DCLK3: variants seen among roughly 807,000 people sequenced by gnomAD.
DCLK3 encodes the protein doublecortin like kinase 3.
Under a neutral mutation model 46.4 loss-of-function variants are expected in DCLK3, and 30 were observed. The observed-to-expected ratio is 0.65, with a 90% CI of 0.48 to 0.88. The LOEUF (loss-of-function observed/expected upper bound fraction) is 0.88. Ranked by LOEUF, DCLK3 falls within the 40% of genes least tolerant of loss-of-function variation. DCLK3 has a pLI of 0.00. For synonymous variants in DCLK3, 401 were observed against 339.2 expected, an observed-to-expected ratio of 1.18 and a Z score of -2.00; for missense variants, 846 against 907.1, an observed-to-expected ratio of 0.93 and a Z score of 0.87.
chr3:36,743,151 C>T (rs1485897479), intron 1 of DCLK3, among the ~76,000 whole-genome samples: 2 of 151,896 alleles, frequency 1.3e-5, no homozygotes, highest in Non-Finnish European at 2.9e-5. Flanking sequence ...TGCTCCAAAG[C>T]CTGCAAACTT....
At chr3:36,724,095 G>T (rs1270330183) in intron 2 of DCLK3, among the ~76,000 whole-genome samples, 1 of 152,244 alleles carries the variant, frequency 6.6e-6, no homozygotes, top group Non-Finnish European at 1.5e-5. Context: ...TGACCTGGAT[G>T]TGAGACCTGG....
At chr3:36,726,935 G>C (rs1051823179) in intron 2 of DCLK3, among the ~76,000 whole-genome samples, 5 of 152,106 alleles carry the variant, frequency 3.3e-5, no homozygotes, top group Admixed American at 3.3e-4. Context: ...GTAGTTGCTG[G>C]GTGACTGCTG....
intron 1 of DCLK3, among the ~76,000 whole-genome samples, chr3:36,745,360 G>GA (rs1436824002): frequency 2.0e-5 from 3 of 151,994 alleles, no homozygotes; most frequent in African/African-American, 7.3e-5. Flanking sequence ...AATAACACAA[G>GA]AAAAATAATG....
chr3:36,751,060 ATC>A (rs199545212), intron 1 of DCLK3, among the ~76,000 whole-genome samples: 23,775 of 100,912 alleles, frequency 0.24, 4,778 homozygotes, highest in Non-Finnish European at 0.36. Context: ...AGACGGGATG[ATC>A]TAAAAAAAAA....
intron 1 of DCLK3, among the ~76,000 whole-genome samples, chr3:36,761,879 C>G (rs1361392779): frequency 6.6e-6 from 1 of 152,134 alleles, no homozygotes. Context: ...TTTTCCTCCC[C>G]TTTGTTGGCT....
intron 1 of DCLK3, among the ~76,000 whole-genome samples, chr3:36,746,532 T>C (rs1386053362): frequency 6.6e-6 from 1 of 152,220 alleles, no homozygotes; most frequent in South Asian, 2.1e-4. Flanking sequence ...ACCCATCTCA[T>C]CATTGTATCA....
Position 36,715,241 on chromosome 3 carries a change from C to A in DCLK3, c.*87G>T. The A allele has an allele frequency of 7.0e-7, 1 of 1,438,070 alleles. No individual in the cohort carries two copies. Among genetic ancestry groups the A allele is most frequent in the Non-Finnish European group, 9.4e-7 (1 of 1,065,664 alleles). 89.1% of individuals were successfully genotyped at this position (1,438,070 alleles called of 1,614,324 possible). A position where few individuals can be genotyped will look rare whatever the true frequency, so the allele number is the denominator to read the frequency against. ...CTGATTCACCAATTATGTGAAGAAG[C>A]CTCTTTCATTGTTTTTCTCTCAAAC... On this transcript the variant is annotated 3_prime_UTR_variant, in exon 5 of 5. Transcript: ENST00000636136.
intron 1 of DCLK3, among the ~76,000 whole-genome samples, chr3:36,753,847 T>C (rs1258123604): frequency 1.3e-5 from 2 of 152,074 alleles, no homozygotes; most frequent in East Asian, 3.9e-4. Flanking sequence ...TTTTTGTTGT[T>C]ATTGTTGTTG....
chr3:36,724,901 G>T (rs765373154), intron 2 of DCLK3, among the ~76,000 whole-genome samples: 1 of 152,012 alleles, frequency 6.6e-6, no homozygotes, highest in Non-Finnish European at 1.5e-5. Context: ...GAGGGGTGGG[G>T]GATTAAGAAT....
At chr3:36,744,987 G>T (rs2125534233) in intron 1 of DCLK3, among the ~76,000 whole-genome samples, 1 of 152,302 alleles carries the variant, frequency 6.6e-6, no homozygotes, top group Non-Finnish European at 1.5e-5. Context: ...CAGAAAGTGG[G>T]TCTCTTATCT....
At chr3:36,760,515 T>C (rs934817403) in intron 1 of DCLK3, among the ~76,000 whole-genome samples, 3 of 151,752 alleles carry the variant, frequency 2.0e-5, no homozygotes, top group African/African-American at 7.3e-5. Context: ...TTAGGAGATA[T>C]ACCTAATGTT....
Position 36,738,212 on chromosome 3 carries a change from G to T in DCLK3, c.955C>A (p.Gln319Lys). 1 of 1,608,652 alleles carries T rather than the reference G, an allele frequency of 6.2e-7. No individual in the cohort carries two copies. Among genetic ancestry groups the T allele is most frequent in the South Asian group, 1.1e-5 (1 of 89,892 alleles). Reference protein sequence around the residue: ...EKCKRERELQQSLERERLSLG... With the variant: ...EKCKRERELQKSLERERLSLG... ...GAAAGCCTCTCACGCTCCAGGCTCT[G>T]CTGGAGCTCCCTCTCTCTCTTGCAC... Residue 319 changes from glutamine to lysine, a missense_variant, in exon 2 of 5, where the codon CAG becomes AAG. By Grantham distance (53) the Gln-to-Lys change is moderately conservative. Coordinates refer to ENST00000636136, the MANE Select transcript of DCLK3 (RefSeq NM_001394672.2).
intron 4 of DCLK3, 87 bp downstream of exon 4, chr3:36,717,923 G>T (rs1701005144): frequency 1.3e-6 from 2 of 1,540,906 alleles, no homozygotes; most frequent in Non-Finnish European, 8.9e-7. Context: ...GTCCAACTCT[G>T]CACCAGGCAC....
intron 4 of DCLK3, among the ~76,000 whole-genome samples, chr3:36,717,291 G>T (rs1030335826): frequency 3.3e-5 from 5 of 152,086 alleles, no homozygotes; most frequent in Non-Finnish European, 1.5e-5. Flanking sequence ...TGTAGAGAAG[G>T]GGTATCGCCA....
In DCLK3 at chr3:36,763,038, G is replaced by A. The variant is rs546441529; in HGVS notation, c.82+1144C>T. Among the ~76,000 whole-genome samples the A allele has an allele frequency of 3.3e-5, 5 of 151,890 alleles. No individual in the cohort carries two copies. In the South Asian group the frequency reaches 1.0e-3, roughly 32 times the overall value. ...TTGCTGTAGATGCCTCATTGATCAA[G>A]ATCATTAGCTCAACATCAGCCCAAC... On this transcript the variant is annotated intron_variant, in intron 1 of 4. Coordinates refer to ENST00000636136, the MANE Select transcript of DCLK3 (RefSeq NM_001394672.2).
intron 1 of DCLK3, among the ~76,000 whole-genome samples, chr3:36,746,741 G>A: frequency 6.6e-6 from 1 of 152,234 alleles, no homozygotes; most frequent in East Asian, 1.9e-4. Flanking sequence ...CTCCTTAGAG[G>A]ATCCTGCTGA....
chr3:36,740,669 C>A (rs1300928436), intron 1 of DCLK3, among the ~76,000 whole-genome samples: 1 of 152,138 alleles, frequency 6.6e-6, no homozygotes, highest in African/African-American at 2.4e-5. Context: ...TCCTCAATTT[C>A]TATCCAGGTC....
intron 2 of DCLK3, among the ~76,000 whole-genome samples, chr3:36,733,822 A>G (rs569815038): frequency 6.6e-6 from 1 of 152,354 alleles, no homozygotes; most frequent in East Asian, 1.9e-4. Context: ...ACTCTAGGGC[A>G]CAATTATCAG....
chr3:36,764,243 G>T lies in DCLK3; in HGVS notation c.21C>A (p.Ala7=). Residue 7 remains alanine, a synonymous_variant, in exon 1 of 5, where the codon GCC becomes GCA. Transcript: ENST00000636136. The surrounding 1 kb of genome is among the most constrained non-coding windows in gnomAD (Gnocchi z 4.9). MPAATP[A]PQPPPPPARP... is the part of the protein sequence containing the mutation. Reference sequence around the variant, plus strand: ...GGGCCGGGGGCGGCGGCGGCTGCGGGGCTGGAGTGGCGGCGGGCATGGCGC... The same window carrying T: ...GGGCCGGGGGCGGCGGCGGCTGCGGTGCTGGAGTGGCGGCGGGCATGGCGC... 3.3e-6 allele frequency: 1 copy of T among 301,912 alleles called. No individual in the cohort carries two copies. The highest frequency in any genetic ancestry group is 1.4e-4 in the South Asian group (1 of 7,010). The allele number at this position is 301,912 out of a possible 1,614,324, so 18.7% of individuals were successfully genotyped here. A position where few individuals can be genotyped will look rare whatever the true frequency, so the allele number is the denominator to read the frequency against.
Sources: allele counts gnomAD v4.1 joint callset (sites outside exome capture counted in the v4.1 genomes callset), GRCh38; gene constraint gnomAD v4.1.1; non-coding constraint Gnocchi (gnomAD v3.1); transcripts MANE v1.5; gene names NCBI Gene and HGNC (gene_info 2026-07-23, HGNC 2026-07-21).